SLC35F1: variants seen among roughly 807,000 people sequenced by gnomAD.
The protein encoded by SLC35F1 is chromosome 6 open reading frame 169.
Under a neutral mutation model 48.7 loss-of-function variants are expected in SLC35F1, and 14 were observed. The observed-to-expected ratio is 0.29, with a 90% CI of 0.19 to 0.45. The LOEUF (loss-of-function observed/expected upper bound fraction) is 0.45, where lower values mean the gene tolerates loss of function less well. Ranked by LOEUF, SLC35F1 falls within the 20% of genes least tolerant of loss-of-function variation. The pLI is 1.00. For missense variants in SLC35F1, 404 were observed against 500.0 expected, an observed-to-expected ratio of 0.81 and a Z score of 1.83; for synonymous variants, 190 against 202.2, an observed-to-expected ratio of 0.94 and a Z score of 0.51.
At chr6:118,232,116 A>T (rs1262778084) in intron 2 of SLC35F1, among the ~76,000 whole-genome samples, 2 of 152,210 alleles carry the variant, frequency 1.3e-5, no homozygotes, top group Non-Finnish European at 2.9e-5. Context: ...TTATTTATTG[A>T]CTGCCTGACA....
intron 1 of SLC35F1, among the ~76,000 whole-genome samples, chr6:117,972,640 A>T (rs1776657789): frequency 6.6e-6 from 1 of 152,212 alleles, no homozygotes; most frequent in Non-Finnish European, 1.5e-5. Flanking sequence ...GAGCGTGTAC[A>T]GGGGAACTGC....
At chr6:118,182,799 TATATA>T (rs1250470015) in intron 2 of SLC35F1, among the ~76,000 whole-genome samples, 3 of 152,182 alleles carry the variant, frequency 2.0e-5, no homozygotes, top group Non-Finnish European at 4.4e-5. Flanking sequence ...ATTATTTTCA[TATATA>T]ATATACTATG....
intron 1 of SLC35F1, among the ~76,000 whole-genome samples, chr6:118,131,278 A>G (rs986404967): frequency 2.0e-5 from 3 of 152,174 alleles, no homozygotes; most frequent in Non-Finnish European, 4.4e-5. Flanking sequence ...ATAAAATACT[A>G]TTATGCAGTT....
intron 1 of SLC35F1, among the ~76,000 whole-genome samples, chr6:118,097,706 C>T (rs781209760): frequency 6.6e-6 from 1 of 152,294 alleles, no homozygotes; most frequent in African/African-American, 2.4e-5. Flanking sequence ...CATCACCAGC[C>T]GCAACAGCTG....
At chr6:117,923,646 C>CATGTGTACAT (rs1775943980) in intron 1 of SLC35F1, among the ~76,000 whole-genome samples, 1 of 102,012 alleles carries the variant, frequency 9.8e-6, no homozygotes, top group African/African-American at 4.1e-5. Context: ...TACATATGTA[C>CATGTGTACAT]ATATGTACAT....
chr6:117,974,892 A>G (rs1489224261), intron 1 of SLC35F1, among the ~76,000 whole-genome samples: 1 of 152,244 alleles, frequency 6.6e-6, no homozygotes, highest in Non-Finnish European at 1.5e-5. Flanking sequence ...GTGGACTCAC[A>G]TATCTGCTTC....
rs543174444 is a variant in SLC35F1, at chr6:118,281,005, T to C, written c.847+3459T>C. Reference sequence around the variant, plus strand: ...CTTTATACACTTAACCTAATGCATATGTTCTGAGAAGTCATCTAACCTAGC... The same window carrying C: ...CTTTATACACTTAACCTAATGCATACGTTCTGAGAAGTCATCTAACCTAGC... On this transcript the variant is annotated intron_variant, in intron 6 of 7. Coordinates refer to ENST00000360388, the MANE Select transcript of SLC35F1 (RefSeq NM_001029858.4). 2.6e-5 allele frequency among the ~76,000 whole-genome samples: 4 copies of C among 152,120 alleles called. No homozygotes were observed. The East Asian group carries it at 7.7e-4, about 29-fold the overall frequency.
intron 2 of SLC35F1, among the ~76,000 whole-genome samples, chr6:118,223,378 C>A (rs1006325990): frequency 2.6e-5 from 4 of 151,786 alleles, no homozygotes; most frequent in Non-Finnish European, 5.9e-5. Flanking sequence ...CTTTTTTTTC[C>A]AGTTAATCCT....
chr6:118,172,161 C>CAA (rs146609294), intron 2 of SLC35F1, among the ~76,000 whole-genome samples: 6 of 138,678 alleles, frequency 4.3e-5, no homozygotes, highest in Non-Finnish European at 9.4e-5. Context: ...AACCTCCATT[C>CAA]AAAAAAAAAA....
intron 1 of SLC35F1, among the ~76,000 whole-genome samples, chr6:117,974,050 C>T (rs1776676365): frequency 6.6e-6 from 1 of 152,152 alleles, no homozygotes; most frequent in African/African-American, 2.4e-5. Context: ...TGCAGAGATT[C>T]TGCTGGTTTG....
At chr6:117,968,373 C>T (rs1207554911) in intron 1 of SLC35F1, among the ~76,000 whole-genome samples, 2 of 152,096 alleles carry the variant, frequency 1.3e-5, no homozygotes, top group East Asian at 1.9e-4. Context: ...TATCAGGAAT[C>T]GTACCATTTC....
intron 2 of SLC35F1, among the ~76,000 whole-genome samples, chr6:118,232,467 G>T (rs1775304049): frequency 6.8e-6 from 1 of 147,476 alleles, no homozygotes; most frequent in Non-Finnish European, 1.5e-5. Context: ...AGAATCGCTT[G>T]AACCCAGGAG....
At chr6:118,162,244 A>C (rs988648384) in intron 2 of SLC35F1, among the ~76,000 whole-genome samples, 24 of 152,222 alleles carry the variant, frequency 1.6e-4, no homozygotes, top group African/African-American at 5.3e-4. Context: ...CATTACACTA[A>C]GTGCAAGAAT....
Position 117,976,806 on chromosome 6 carries a change from A to C in SLC35F1, c.173+68907A>C, listed in dbSNP as rs1776711986. Among the ~76,000 whole-genome samples, 2 of 152,220 alleles carry C rather than the reference A, an allele frequency of 1.3e-5. 1 individual carries two copies. Among genetic ancestry groups the C allele is most frequent in the South Asian group, 4.1e-4 (2 of 4,832 alleles). On this transcript the variant is annotated intron_variant, in intron 1 of 7. Coordinates refer to ENST00000360388, the MANE Select transcript of SLC35F1 (RefSeq NM_001029858.4). ...TTTAAAGGAAAACAATAATTGCTCC[A>C]TAATCCTATAAATCATTTAATCACA... is the stretch of plus-strand genomic sequence containing the variant.
chr6:117,995,369 A>G (rs1776971211), intron 1 of SLC35F1, among the ~76,000 whole-genome samples: 1 of 152,254 alleles, frequency 6.6e-6, no homozygotes, highest in Admixed American at 6.5e-5. Context: ...TGAGGTAGGG[A>G]TGTTGTCTTG....
intron 3 of SLC35F1, among the ~76,000 whole-genome samples, chr6:118,248,667 T>G (rs971359128): frequency 5.9e-5 from 9 of 152,228 alleles, no homozygotes; most frequent in African/African-American, 2.2e-4. Context: ...AACACAACCC[T>G]GCCATCCCCT....
intron 1 of SLC35F1, among the ~76,000 whole-genome samples, chr6:117,974,231 T>C (rs1776678707): frequency 6.6e-6 from 1 of 152,236 alleles, no homozygotes; most frequent in South Asian, 2.1e-4. Context: ...AGCATATACT[T>C]AATCAGTGTT....
intron 7 of SLC35F1, among the ~76,000 whole-genome samples, chr6:118,290,839 A>C (rs538726818): frequency 2.5e-4 from 38 of 149,902 alleles, no homozygotes; most frequent in Admixed American, 1.3e-3. Context: ...CTGTTGCCCA[A>C]GCTGGAGTAC....
At chr6:117,984,694 C>T (rs554028566) in intron 1 of SLC35F1, among the ~76,000 whole-genome samples, 2 of 152,206 alleles carry the variant, frequency 1.3e-5, no homozygotes, top group Admixed American at 1.3e-4. Context: ...TCTGGTCCTG[C>T]ACAGGAAAAG....
Sources: allele counts gnomAD v4.1 joint callset (sites outside exome capture counted in the v4.1 genomes callset), GRCh38; gene constraint gnomAD v4.1.1; transcripts MANE v1.5; gene names NCBI Gene and HGNC (gene_info 2026-07-23, HGNC 2026-07-21).